The following SPATA1 variants were observed in gnomAD, a reference collection of about 807,000 sequenced individuals.
The protein encoded by SPATA1 is spermatogenesis-associated protein 1.
A neutral mutation model predicts 59.6 loss-of-function variants in SPATA1; 57 were observed. The ratio of observed to expected loss-of-function variants is 0.96; its 90% confidence interval spans 0.77 to 1.19. The LOEUF (loss-of-function observed/expected upper bound fraction) is 1.19. SPATA1 is among the 50% of genes most tolerant of loss of function. SPATA1 has a pLI of 0.00. For synonymous variants in SPATA1, 147 were observed against 163.9 expected, an observed-to-expected ratio of 0.90 and a Z score of 0.79; for missense variants, 448 against 480.7, an observed-to-expected ratio of 0.93 and a Z score of 0.64.
intron 3 of SPATA1, among the ~76,000 whole-genome samples, chr1:84,521,730 T>C (rs1010632311): frequency 6.6e-6 from 1 of 152,214 alleles, no homozygotes; most frequent in Non-Finnish European, 1.5e-5. Flanking sequence ...CTAGATTATA[T>C]GTAAAGTCCA....
chr1:84,563,546 G>T lies in SPATA1; in HGVS notation n.443-2315G>T, dbSNP rs565963048. On this transcript the variant is annotated intron_variant and non_coding_transcript_variant, in intron 4 of 4. Coordinates refer to the SPATA1 transcript ENST00000460286. The stretch of plus-strand genomic sequence containing the variant: ...GAAAACCTGACTATACAGAAAAAAG[G>T]TTAAAATAAATTTCATTATTAAATG... 4.2e-6 allele frequency: 3 copies of T among 717,488 alleles called. No individual in the cohort carries two copies. The East Asian group carries it at 9.9e-5, about 24-fold the overall frequency. The allele number at this position is 717,488 out of a possible 1,614,324, so 44.4% of individuals were successfully genotyped here.
chr1:84,520,593 A>G, exon 3 of SPATA1: 1 of 1,545,840 alleles, frequency 6.5e-7, no homozygotes, highest in Non-Finnish European at 8.7e-7. Flanking sequence ...AGTTGGTGGA[A>G]CTTCATGTTT....
chr1:84,558,436 C>G (rs573023401), downstream of SPATA1, among the ~76,000 whole-genome samples: 212 of 150,984 alleles, frequency 1.4e-3, no homozygotes, highest in African/African-American at 4.9e-3. Flanking sequence ...ACTACAGGCG[C>G]CCGCCACTAC....
intron 8 of SPATA1, among the ~76,000 whole-genome samples, chr1:84,535,673 C>T (rs533061869): frequency 1.1e-4 from 17 of 150,472 alleles, no homozygotes; most frequent in African/African-American, 3.6e-4. Flanking sequence ...ACATTGAACT[C>T]ATCTATTGAG....
chr1:84,533,599 A>T, intron 7 of SPATA1, 110 bp from the exon 8 acceptor site: 2 of 876,506 alleles, frequency 2.3e-6, no homozygotes, highest in Non-Finnish European at 3.6e-6. Flanking sequence ...GACTTTGAAA[A>T]TTTTCAATAT....
chr1:84,537,236 T>G (rs1455808691), intron 8 of SPATA1, among the ~76,000 whole-genome samples: 4 of 152,140 alleles, frequency 2.6e-5, no homozygotes, highest in Non-Finnish European at 5.9e-5. Flanking sequence ...AGCATTTTAC[T>G]ATATAAGAGA....
intron 6 of SPATA1, among the ~76,000 whole-genome samples, chr1:84,532,341 C>G (rs1250566501): frequency 6.6e-6 from 1 of 152,074 alleles, no homozygotes; most frequent in Non-Finnish European, 1.5e-5. Context: ...ACTAAAAATA[C>G]AAAAATTCGC....
downstream of SPATA1, among the ~76,000 whole-genome samples, chr1:84,559,119 T>C (rs1684535378): frequency 6.6e-6 from 1 of 152,224 alleles, no homozygotes; most frequent in Non-Finnish European, 1.5e-5. Flanking sequence ...TGAAGGTTTA[T>C]GGCAACTCTA....
At chr1:84,551,391 TAAAAA>T in intron 12 of SPATA1, 2 of 695,178 alleles carry the variant, frequency 2.9e-6, no homozygotes, top group Non-Finnish European at 3.5e-6. Flanking sequence ...AATTTAAAAA[TAAAAA>T]AATAGAATTA....
intron 3 of SPATA1, 23 bp downstream of exon 3, chr1:84,520,714 A>G (rs1474110857): frequency 1.4e-6 from 2 of 1,386,778 alleles, no homozygotes; most frequent in Non-Finnish European, 2.0e-6. Flanking sequence ...TAGTCATGTA[A>G]CAATATGCCT....
chr1:84,526,015 A>G lies in SPATA1; in HGVS notation c.486A>G (p.Arg162=), dbSNP rs763775934. 5 of 1,613,536 alleles carry G rather than the reference A, an allele frequency of 3.1e-6. No homozygotes were observed. The South Asian group carries it at 5.5e-5, about 18-fold the overall frequency. Reference sequence around the variant, plus strand: ...CTTTGTTCAAGGAGGAACTTGGAAGAGATCCCAGTTTGTTAGAAAACACTT... The same window carrying G: ...CTTTGTTCAAGGAGGAACTTGGAAGGGATCCCAGTTTGTTAGAAAACACTT... Residue 162 remains arginine, a synonymous_variant, in exon 6 of 13, where the codon AGA becomes AGG. Coordinates refer to ENST00000490879, the Ensembl canonical transcript of SPATA1.
downstream of SPATA1, among the ~76,000 whole-genome samples, chr1:84,556,770 A>G (rs1031430202): frequency 6.6e-6 from 1 of 152,016 alleles, no homozygotes; most frequent in Admixed American, 6.5e-5. Flanking sequence ...AAATGAATAC[A>G]CTGCGGCATA....
At chr1:84,566,017 G>A in exon 5 of SPATA1, 1 of 1,504,356 alleles carries the variant, frequency 6.6e-7, no homozygotes, top group Non-Finnish European at 8.9e-7. Context: ...GGTTACCTGT[G>A]GAAAAAAATC....
chr1:84,525,664 G>A, intron 4 of SPATA1, 32 bp from the exon 5 acceptor site: 1 of 1,543,646 alleles, frequency 6.5e-7, no homozygotes, highest in South Asian at 1.2e-5. Context: ...TGTAGCAAAA[G>A]CTTTAATTTT....
At chr1:84,553,049 A>G (rs1256495543) in exon 13 of SPATA1, 2 of 1,525,674 alleles carry the variant, frequency 1.3e-6, no homozygotes, top group Non-Finnish European at 1.8e-6. Flanking sequence ...GAAAACAAGC[A>G]GTTTCAGATT....
chr1:84,560,272 T>C (rs1684566260), intron 4 of SPATA1, among the ~76,000 whole-genome samples: 1 of 152,038 alleles, frequency 6.6e-6, no homozygotes. Flanking sequence ...TTCTGTGTAA[T>C]AGCTGGCCAT....
At chr1:84,559,899 A>G (rs1684553940) in intron 4 of SPATA1, among the ~76,000 whole-genome samples, 1 of 151,966 alleles carries the variant, frequency 6.6e-6, no homozygotes, top group Non-Finnish European at 1.5e-5. Context: ...AGACTGGCCT[A>G]CATAGTGAAA....
chr1:84,544,222 CA>C lies in SPATA1; in HGVS notation c.739del (p.Thr247ProfsTer18), dbSNP rs1369602619. 15 of 1,599,908 alleles carry C rather than the reference CA, an allele frequency of 9.4e-6. No homozygotes were observed. The highest frequency in any genetic ancestry group is 1.3e-5 in the Non-Finnish European group (15 of 1,172,228). ...TACAGACAGCTGAAAAAGAGTACAT[CA>C]CCCTACCAGATCACCCTTCACTTCC... On this transcript the variant is annotated frameshift_variant, in exon 9 of 13. Coordinates refer to ENST00000490879, the Ensembl canonical transcript of SPATA1. LOFTEE classifies it high-confidence loss of function.
At chr1:84,556,230 G>C (rs1684425856), downstream of SPATA1, among the ~76,000 whole-genome samples, 1 of 152,138 alleles carries the variant, frequency 6.6e-6, no homozygotes, top group Non-Finnish European at 1.5e-5. Flanking sequence ...AAGGAAAAGG[G>C]AAAGGAGCAG....
Sources: allele counts gnomAD v4.1 joint callset (sites outside exome capture counted in the v4.1 genomes callset), GRCh38; gene constraint gnomAD v4.1.1; transcripts MANE v1.5; gene names NCBI Gene and HGNC (gene_info 2026-07-23, HGNC 2026-07-21).